The following WDR64 variants were observed in gnomAD, a reference collection of about 807,000 sequenced individuals.
WDR64 encodes WD repeat-containing protein 64.
A neutral mutation model predicts 139.3 loss-of-function variants in WDR64; 112 were observed. The ratio of observed to expected loss-of-function variants is 0.80; its 90% CI spans 0.69 to 0.94. The LOEUF is 0.94. Among genes scored for constraint, WDR64 ranks in the 40% least tolerant of loss-of-function variants. The probability of loss-of-function intolerance (pLI) is 0.00; values close to 1 mark genes in which losing one functional copy is unlikely to be tolerated. For synonymous variants in WDR64, 444 were observed against 437.7 expected (o/e 1.01, Z -0.18); for missense variants, 1,206 against 1,293.1 (o/e 0.93, Z 1.03).
intron 15 of WDR64, among the ~76,000 whole-genome samples, chr1:241,760,338 T>C (rs1194891177): frequency 1.3e-5 from 2 of 150,786 alleles, no homozygotes; most frequent in African/African-American, 4.8e-5. Flanking sequence ...GCCATATATA[T>C]ATATATATTT....
At position 241,741,977 on chromosome 1, in the gene WDR64, C is replaced by T. The variant is rs531547481; in HGVS notation, c.1470+313C>T. 5.9e-5 allele frequency among the ~76,000 whole-genome samples: 9 copies of T among 151,908 alleles called. No homozygotes were observed. The East Asian group carries it at 1.4e-3, about 23-fold the overall frequency. On this transcript the variant is annotated intron_variant, in intron 12 of 27. Transcript: ENST00000437684. ...GCATTTTGATTTTTTTAAAGGAGTA[C>T]GGGAAGAGGATTTATGTTAAGAAGG...
At chr1:241,675,497 G>T (rs1236658779) in intron 4 of WDR64, among the ~76,000 whole-genome samples, 2 of 152,248 alleles carry the variant, frequency 1.3e-5, no homozygotes, top group Non-Finnish European at 2.9e-5. Flanking sequence ...GTTCCTCAGG[G>T]TGTCATATGG....
intron 2 of WDR64, among the ~76,000 whole-genome samples, chr1:241,664,583 ATT>A (rs67118111): frequency 9.2e-4 from 139 of 151,878 alleles, no homozygotes; most frequent in Middle Eastern, 6.8e-3. Flanking sequence ...AGTAAATCAG[ATT>A]TTTTTTTGTT....
In WDR64 at chr1:241,772,920, T is replaced by C; in HGVS notation, c.2419T>C (p.Trp807Arg). The change falls in exon 20 of 28, where the codon TGG (tryptophan) becomes CGG (arginine). Residue 807 changes from tryptophan (W) to arginine (R), a missense_variant. Physicochemically the swap from Trp to Arg is moderately radical, Grantham distance 101 (BLOSUM62 -3). Coordinates refer to ENST00000437684, the MANE Select transcript of WDR64 (RefSeq NM_001367482.1). The stretch of plus-strand genomic sequence containing the variant: ...TCATGAGGATGGACACCTCCGCTTG[T>C]GGACTCTGGAGGTAATGGAACCCAG... Reference protein sequence around the residue: ...TAHEDGHLRLWTLEGRLLKDM... With the variant: ...TAHEDGHLRLRTLEGRLLKDM... 7.1e-6 allele frequency: 11 copies of C among 1,550,898 alleles called. No homozygotes were observed. The highest frequency in any genetic ancestry group is 9.6e-6 in the Non-Finnish European group (11 of 1,146,558).
chr1:241,706,748 A>G (rs12734054), intron 8 of WDR64, among the ~76,000 whole-genome samples: 22,788 of 152,066 alleles, frequency 0.15, 1,848 homozygotes, highest in South Asian at 0.19. Context: ...GAATTTGGTT[A>G]TTTTGCATTA....
intron 1 of WDR64, among the ~76,000 whole-genome samples, chr1:241,658,307 GTGTGTGTA>G (rs903016841): frequency 2.6e-5 from 4 of 151,754 alleles, no homozygotes; most frequent in African/African-American, 9.7e-5. Flanking sequence ...GTGTGTGTGT[GTGTGTGTA>G]TGTGTTTACA....
At position 241,716,640 on chromosome 1, in the gene WDR64, T is replaced by C. The variant is rs909461403; in HGVS notation, c.1054+4759T>C. ...TTATAGGTAACTACAAAGTATAGCA[T>C]GAATCAACATATGATGATGATGATG... On this transcript the variant is annotated intron_variant, in intron 9 of 27. Coordinates refer to ENST00000437684, the MANE Select transcript of WDR64 (RefSeq NM_001367482.1). Among the ~76,000 whole-genome samples, 5 of 144,262 alleles carry C rather than the reference T, an allele frequency of 3.5e-5. No homozygotes were observed. The South Asian group carries it at 1.1e-3, about 33-fold the overall frequency. 94.6% of individuals were successfully genotyped at this position (144,262 alleles called of 152,430 possible).
At chr1:241,770,344 T>C in intron 17 of WDR64, 1 of 285,466 alleles carries the variant, frequency 3.5e-6, no homozygotes, top group Admixed American at 5.2e-5. Context: ...CCTCTGGGAC[T>C]AAATCTAGCC....
At chr1:241,762,248 A>G (rs2148285619) in intron 15 of WDR64, among the ~76,000 whole-genome samples, 1 of 152,340 alleles carries the variant, frequency 6.6e-6, no homozygotes, top group South Asian at 2.1e-4. Flanking sequence ...CACGTTGTAC[A>G]TCTCCATCAG....
intron 2 of WDR64, 143 bp from the exon 3 acceptor site, chr1:241,670,931 T>C (rs1426686223): frequency 7.0e-6 from 4 of 573,472 alleles, no homozygotes; most frequent in East Asian, 3.0e-5. Context: ...TGTCTCCTGG[T>C]ATAGGGAACC....
At chr1:241,779,759 G>A (rs1285886168) in intron 21 of WDR64, among the ~76,000 whole-genome samples, 1 of 152,132 alleles carries the variant, frequency 6.6e-6, no homozygotes, top group East Asian at 1.9e-4. Context: ...GAACCCAGGA[G>A]GCAGAGGTTG....
chr1:241,771,481 T>C (rs1374099263), intron 18 of WDR64, among the ~76,000 whole-genome samples, 180 bp from the exon 19 acceptor site: 5 of 152,000 alleles, frequency 3.3e-5, no homozygotes, highest in Non-Finnish European at 7.4e-5. Context: ...TGTTATAAAT[T>C]CTCTATTTCT....
At chr1:241,671,025 C>T (rs1325269251) in intron 2 of WDR64, 49 bp from the exon 3 acceptor site, 1 of 1,307,260 alleles carries the variant, frequency 7.6e-7, no homozygotes, top group Non-Finnish European at 1.1e-6. Flanking sequence ...TACTTTATAG[C>T]TAATTCTGAG....
At chr1:241,661,320 T>C (rs1187112992) in intron 2 of WDR64, among the ~76,000 whole-genome samples, 1 of 151,850 alleles carries the variant, frequency 6.6e-6, no homozygotes, top group South Asian at 2.1e-4. Context: ...CATCTCAAAA[T>C]TGACCACATT....
chr1:241,662,187 T>A (rs866793223), intron 2 of WDR64, among the ~76,000 whole-genome samples: 6 of 152,190 alleles, frequency 3.9e-5, no homozygotes, highest in Admixed American at 2.0e-4. Flanking sequence ...TACTAAATTA[T>A]CATAAATTTA....
intron 8 of WDR64, among the ~76,000 whole-genome samples, chr1:241,697,975 G>C (rs1385566383): frequency 6.6e-6 from 1 of 152,070 alleles, no homozygotes; most frequent in Non-Finnish European, 1.5e-5. Context: ...TCTAGCATCA[G>C]GTCCTTAGCC....
chr1:241,703,746 G>T lies in WDR64; in HGVS notation c.975-8056G>T, dbSNP rs1667828130. 6.6e-6 allele frequency among the ~76,000 whole-genome samples: 1 copy of T among 152,152 alleles called. No individual in the cohort carries two copies. The highest frequency in any genetic ancestry group is 6.5e-5 in the Admixed American group (1 of 15,288). The stretch of plus-strand genomic sequence containing the variant: ...ATCTGAGACTCAATAATTTGTAAAG[G>T]AAAGAGGTTAATTGACTCACAGTTC... On this transcript the variant is annotated intron_variant, in intron 8 of 27. Coordinates refer to ENST00000437684, the MANE Select transcript of WDR64 (RefSeq NM_001367482.1). The surrounding 1 kb of genome is among the most constrained non-coding windows in gnomAD (Gnocchi z 5.9).
At chr1:241,774,201 T>C (rs543124245) in intron 20 of WDR64, among the ~76,000 whole-genome samples, 6 of 152,126 alleles carry the variant, frequency 3.9e-5, no homozygotes, top group Admixed American at 2.0e-4. Flanking sequence ...CACAAAACAG[T>C]TTTGTGTGGC....
intron 13 of WDR64, among the ~76,000 whole-genome samples, chr1:241,746,617 TAGAACAATAC>T (rs1329713887): frequency 6.6e-6 from 1 of 151,932 alleles, no homozygotes; most frequent in Non-Finnish European, 1.5e-5. Flanking sequence ...CAAACTGCAG[TAGAACAATAC>T]AGTGGAATAC....
Sources: allele counts gnomAD v4.1 joint callset (sites outside exome capture counted in the v4.1 genomes callset), GRCh38; gene constraint gnomAD v4.1.1; non-coding constraint Gnocchi (gnomAD v3.1); transcripts MANE v1.5; gene names NCBI Gene and HGNC (gene_info 2026-07-23, HGNC 2026-07-21).